PTPRT: variants seen among roughly 807,000 people sequenced by gnomAD.
PTPRT encodes the protein protein tyrosine phosphatase receptor type T.
PTPRT carries 56 observed loss-of-function variants against 176.8 expected under a neutral mutation model. That is an observed-to-expected ratio of 0.32 (90% CI 0.26 to 0.40). The LOEUF (loss-of-function observed/expected upper bound fraction) is 0.40, where lower values mean the gene tolerates loss of function less well. Among genes scored for constraint, PTPRT ranks in the 10% least tolerant of loss-of-function variants. The probability of loss-of-function intolerance (pLI) is 1.00; values close to 1 mark genes in which losing one functional copy is unlikely to be tolerated. For missense variants in PTPRT, 1,540 were observed against 1,908.2 expected, an observed-to-expected ratio of 0.81 and a Z score of 3.60; for synonymous variants, 783 against 739.0, an observed-to-expected ratio of 1.06 and a Z score of -0.96.
intron 13 of PTPRT, among the ~76,000 whole-genome samples, chr20:42,275,106 A>C (rs1380615686): frequency 6.6e-6 from 1 of 152,234 alleles, no homozygotes; most frequent in Non-Finnish European, 1.5e-5. Context: ...GTGTGTGCTA[A>C]GTGTCAGGCT....
chr20:42,939,774 T>C (rs1016170996), intron 1 of PTPRT, among the ~76,000 whole-genome samples: 5 of 152,280 alleles, frequency 3.3e-5, no homozygotes, highest in East Asian at 1.9e-4. Context: ...AATGATAGCA[T>C]TTCAAGTACA....
the PTPRT span, among the ~76,000 whole-genome samples, chr20:42,053,912 G>C: frequency 1.2e-3 from 183 of 152,304 alleles, no homozygotes; most frequent in African/African-American, 4.2e-3. Context: ...TGGAGAGGAA[G>C]AGGGGTCTAT....
chr20:42,293,419 C>A (rs1465314432), intron 12 of PTPRT, among the ~76,000 whole-genome samples: 1 of 152,126 alleles, frequency 6.6e-6, no homozygotes, highest in East Asian at 1.9e-4. Flanking sequence ...TTAAGTCATT[C>A]TACCTTCCAG....
intron 1 of PTPRT, among the ~76,000 whole-genome samples, chr20:43,072,018 A>G (rs1240988476): frequency 6.6e-6 from 1 of 152,168 alleles, no homozygotes; most frequent in Non-Finnish European, 1.5e-5. Context: ...CTAGCTCTCT[A>G]GACTGTGAGC....
chr20:42,622,118 A>G (rs2074208902), intron 7 of PTPRT, among the ~76,000 whole-genome samples: 1 of 152,246 alleles, frequency 6.6e-6, no homozygotes, highest in African/African-American at 2.4e-5. Flanking sequence ...CCTCTACCTT[A>G]GAAAATATAT....
At chr20:42,979,988 G>T (rs1038747942) in intron 1 of PTPRT, among the ~76,000 whole-genome samples, 1 of 113,132 alleles carries the variant, frequency 8.8e-6, no homozygotes, top group Admixed American at 9.6e-5. Flanking sequence ...GGGAAGGGGG[G>T]GTGGGGGGGG....
In PTPRT at chr20:42,863,906, C is replaced by T. The variant is rs548188347; in HGVS notation, c.214+21901G>A. ...TCCAGCCCCACCTCTGCAGCTTTCT[C>T]CAAGGCAGGAAAGAGATACCAGGGG... On this transcript the variant is annotated intron_variant, in intron 2 of 30. Transcript: ENST00000373187. Among the ~76,000 whole-genome samples, 3 of 152,302 alleles carry T rather than the reference C, an allele frequency of 2.0e-5. No individual in the cohort carries two copies. In the East Asian group the frequency reaches 5.8e-4, roughly 29 times the overall value.
intron 7 of PTPRT, among the ~76,000 whole-genome samples, chr20:42,644,464 G>A (rs1454094101): frequency 6.6e-6 from 1 of 152,110 alleles, no homozygotes; most frequent in African/African-American, 2.4e-5. Context: ...CTTTGTCTAT[G>A]TTCATGCCCC....
At chr20:42,839,882 A>T (rs1255717450) in intron 2 of PTPRT, among the ~76,000 whole-genome samples, 2 of 152,198 alleles carry the variant, frequency 1.3e-5, no homozygotes, top group Non-Finnish European at 2.9e-5. Context: ...ATGAAGTTAG[A>T]CTGGGGTGTA....
At chr20:42,316,316 T>A (rs1326229895) in intron 11 of PTPRT, among the ~76,000 whole-genome samples, 1 of 152,224 alleles carries the variant, frequency 6.6e-6, no homozygotes, top group African/African-American at 2.4e-5. Flanking sequence ...AGAATCTGAA[T>A]CTAGGGCTCA....
At chr20:42,096,398 T>C (rs1429243846) in intron 27 of PTPRT, among the ~76,000 whole-genome samples, 1 of 151,944 alleles carries the variant, frequency 6.6e-6, no homozygotes. Flanking sequence ...AGGTCAAGAG[T>C]TTGAGACCAG....
intron 1 of PTPRT, among the ~76,000 whole-genome samples, chr20:42,975,258 T>C (rs764760249): frequency 3.3e-5 from 5 of 152,142 alleles, no homozygotes; most frequent in African/African-American, 1.2e-4. Flanking sequence ...GAGTTTTTAA[T>C]AACATGAGAG....
chr20:42,923,009 A>G (rs1029809950), intron 1 of PTPRT, among the ~76,000 whole-genome samples: 2 of 152,068 alleles, frequency 1.3e-5, no homozygotes, highest in African/African-American at 4.8e-5. Flanking sequence ...TACTTTGCGA[A>G]TGGTCTTATA....
At chr20:43,100,312 G>T (rs909070332) in intron 1 of PTPRT, among the ~76,000 whole-genome samples, 2 of 152,098 alleles carry the variant, frequency 1.3e-5, no homozygotes, top group African/African-American at 2.4e-5. Flanking sequence ...AAGAGGCAGG[G>T]GTTGCAGTGA....
chr20:43,134,033 C>T (rs537149346), intron 1 of PTPRT, among the ~76,000 whole-genome samples: 1 of 152,146 alleles, frequency 6.6e-6, no homozygotes, highest in Non-Finnish European at 1.5e-5. Flanking sequence ...CCTGAACTTA[C>T]GGATCAGTCT....
At chr20:42,840,734 C>T (rs1476345706) in intron 2 of PTPRT, among the ~76,000 whole-genome samples, 1 of 152,098 alleles carries the variant, frequency 6.6e-6, no homozygotes, top group Admixed American at 6.6e-5. Flanking sequence ...TTTAGAGAGA[C>T]ACAATTCAAC....
At chr20:42,620,648 C>T (rs1044785764) in intron 7 of PTPRT, among the ~76,000 whole-genome samples, 6 of 152,214 alleles carry the variant, frequency 3.9e-5, no homozygotes, top group Non-Finnish European at 7.3e-5. Flanking sequence ...TCGTGGTTTG[C>T]TGTTTTTTAA....
intron 2 of PTPRT, among the ~76,000 whole-genome samples, chr20:42,866,232 G>A (rs145539053): frequency 6.6e-6 from 1 of 152,182 alleles, no homozygotes; most frequent in Non-Finnish European, 1.5e-5. Context: ...CAGTATTGTG[G>A]GCACAGAGGT....
intron 1 of PTPRT, among the ~76,000 whole-genome samples, chr20:42,896,128 A>T (rs1295326370): frequency 2.0e-5 from 3 of 152,152 alleles, no homozygotes; most frequent in African/African-American, 7.2e-5. Context: ...TTCATTGGTA[A>T]GGAGTAGTAC....
Sources: gnomAD v4.1 joint callset for allele counts (sites outside exome capture counted in the v4.1 genomes callset) on GRCh38, gnomAD v4.1.1 for gene constraint, MANE v1.5 for transcripts, NCBI Gene and HGNC (gene_info 2026-07-23, HGNC 2026-07-21) for gene names.